Variants in ARID1B observed in about 807,000 individuals in gnomAD.
The protein encoded by ARID1B is AT-rich interactive domain-containing protein 1B.
A neutral mutation model predicts 212.3 loss-of-function variants in ARID1B; 30 were observed. The ratio of observed to expected loss-of-function variants is 0.14; its 90% confidence interval spans 0.11 to 0.19. ARID1B has a LOEUF of 0.19. Among genes scored for constraint, ARID1B ranks in the 10% least tolerant of loss-of-function variants. The pLI, the probability that ARID1B is intolerant of heterozygous loss-of-function variation, is 1.00. For synonymous variants in ARID1B, 1,402 were observed against 1,301.7 expected, an observed-to-expected ratio of 1.08 and a Z score of -1.66; for missense variants, 2,891 against 3,204.0, an observed-to-expected ratio of 0.90 and a Z score of 2.36.
chr6:157,197,539 TCTC>T (rs754505083), intron 16 of ARID1B, among the ~76,000 whole-genome samples: 23 of 152,348 alleles, frequency 1.5e-4, no homozygotes, highest in Admixed American at 4.6e-4. Context: ...CACGGTGCTT[TCTC>T]CTAGGGACCT....
chr6:157,180,040 GAA>G (rs1792392710), intron 11 of ARID1B, among the ~76,000 whole-genome samples: 1 of 152,136 alleles, frequency 6.6e-6, no homozygotes, highest in Admixed American at 6.5e-5. Flanking sequence ...TGAGAACTGA[GAA>G]AAGATTTTGT....
chr6:157,147,374 A>T (rs868436166), intron 7 of ARID1B, among the ~76,000 whole-genome samples: 5 of 13,956 alleles, frequency 3.6e-4, no homozygotes, highest in Non-Finnish European at 5.7e-4. Context: ...CCTGCCCGCC[A>T]GCCCTCACCC....
intron 1 of ARID1B, among the ~76,000 whole-genome samples, chr6:156,781,842 A>G (rs1562381375): frequency 6.6e-6 from 1 of 152,078 alleles, no homozygotes; most frequent in Non-Finnish European, 1.5e-5. Flanking sequence ...CTAGAGACGA[A>G]TGAAGTTAGA....
chr6:157,178,015 G>A (rs1262748878), intron 11 of ARID1B, among the ~76,000 whole-genome samples: 2 of 152,122 alleles, frequency 1.3e-5, no homozygotes, highest in South Asian at 2.1e-4. Flanking sequence ...CTTTAATTGC[G>A]CTCTGTTCAG....
At position 156,829,207 on chromosome 6, in the gene ARID1B, CT is replaced by C; in HGVS notation, c.1792-18del. ...AATAAAGAATGAATTAATAAACCGA[CT>C]TCTTTTATGTCTTCACAGGGCAGCC... On this transcript the variant is annotated intron_variant, in intron 1 of 19. Coordinates refer to ENST00000636930, the MANE Select transcript of ARID1B (RefSeq NM_001374828.1). 6.3e-7 allele frequency: 1 copy of C among 1,575,906 alleles called. No individual in the cohort carries two copies. The highest frequency in any genetic ancestry group is 2.3e-5 in the East Asian group (1 of 44,230).
intron 4 of ARID1B, among the ~76,000 whole-genome samples, chr6:156,995,983 A>G (rs1019605841): frequency 3.9e-5 from 6 of 152,220 alleles, no homozygotes; most frequent in African/African-American, 1.4e-4. Flanking sequence ...AAGCTGCGGA[A>G]AAACCTCAGG....
intron 4 of ARID1B, among the ~76,000 whole-genome samples, chr6:157,015,755 C>T (rs2128463210): frequency 6.6e-6 from 1 of 152,322 alleles, no homozygotes; most frequent in East Asian, 1.9e-4. Context: ...ATTCTGTCTT[C>T]ACTTCACTGC....
chr6:157,135,357 G>A (rs1483683560), intron 7 of ARID1B, among the ~76,000 whole-genome samples: 1 of 152,188 alleles, frequency 6.6e-6, no homozygotes, highest in African/African-American at 2.4e-5. Context: ...CTGGGTTCCT[G>A]CATCACAGTT....
intron 7 of ARID1B, chr6:157,141,424 T>C (rs900570011): frequency 6.6e-6 from 1 of 152,216 alleles, no homozygotes; most frequent in African/African-American, 2.4e-5. Context: ...AAGAGAAATA[T>C]GGTACCTTAT....
At chr6:157,111,934 T>C (rs537408677) in intron 6 of ARID1B, among the ~76,000 whole-genome samples, 8 of 152,308 alleles carry the variant, frequency 5.3e-5, no homozygotes, top group African/African-American at 1.4e-4. Context: ...AAGGTTTGAA[T>C]TGGGACGTTT....
chr6:157,073,199 T>C (rs1562595221), intron 4 of ARID1B, among the ~76,000 whole-genome samples: 1 of 150,674 alleles, frequency 6.6e-6, no homozygotes, highest in Non-Finnish European at 1.5e-5. Context: ...GCCTCCTGGG[T>C]TCAGGGAATT....
chr6:157,015,159 A>G (rs1470491728), intron 4 of ARID1B, among the ~76,000 whole-genome samples: 1 of 152,170 alleles, frequency 6.6e-6, no homozygotes, highest in Non-Finnish European at 1.5e-5. Flanking sequence ...CTTGAAGAAT[A>G]AAGAGTTGAT....
At chr6:157,090,792 C>T (rs1457387678) in intron 5 of ARID1B, among the ~76,000 whole-genome samples, 1 of 152,168 alleles carries the variant, frequency 6.6e-6, no homozygotes, top group East Asian at 1.9e-4. Flanking sequence ...ACTGTGAAGC[C>T]GGGAGGCACA....
intron 2 of ARID1B, among the ~76,000 whole-genome samples, chr6:156,851,297 A>G (rs1355180931): frequency 6.6e-6 from 1 of 152,210 alleles, no homozygotes. Context: ...TTCAGTCGTG[A>G]AGGGTTCAAC....
chr6:157,048,194 T>A (rs1185161565), intron 4 of ARID1B, among the ~76,000 whole-genome samples: 1 of 152,234 alleles, frequency 6.6e-6, no homozygotes, highest in African/African-American at 2.4e-5. Flanking sequence ...AAAGAGCCAA[T>A]ATGTTGGAAT....
chr6:156,988,411 C>G (rs1031176289), intron 4 of ARID1B, among the ~76,000 whole-genome samples: 2 of 152,078 alleles, frequency 1.3e-5, no homozygotes, highest in African/African-American at 4.8e-5. Flanking sequence ...TTGTGCTTAT[C>G]TCAGGGGATT....
intron 5 of ARID1B, among the ~76,000 whole-genome samples, chr6:157,086,413 T>C (rs189148386): frequency 6.6e-6 from 1 of 152,316 alleles, no homozygotes; most frequent in East Asian, 1.9e-4. Context: ...TTTAAGACAG[T>C]TTTTGGTGTT....
intron 1 of ARID1B, among the ~76,000 whole-genome samples, chr6:156,827,632 A>T (rs1454961348): frequency 6.6e-6 from 1 of 151,526 alleles, no homozygotes. Context: ...TTATTTCCTG[A>T]TACACACCAG....
intron 5 of ARID1B, among the ~76,000 whole-genome samples, chr6:157,102,604 CTTTTTTTTTTTTTTT>C (rs35977420): frequency 3.0e-5 from 2 of 66,250 alleles, no homozygotes; most frequent in African/African-American, 5.8e-5. Flanking sequence ...CTGAGTGGTT[CTTTTTTTTTTTTTTT>C]TTTTTTTTTT....
Sources: allele counts gnomAD v4.1 joint callset (sites outside exome capture counted in the v4.1 genomes callset), GRCh38; gene constraint gnomAD v4.1.1; transcripts MANE v1.5; gene names NCBI Gene and HGNC (gene_info 2026-07-23, HGNC 2026-07-21).